Variants in XKR5 observed in about 807,000 individuals in gnomAD.
The protein encoded by XKR5 is XK related 5, also known as XK-related protein 5.
In XKR5, 46 loss-of-function variants were observed where a neutral mutation model predicts 40.8. That is an observed-to-expected ratio of 1.13 (90% CI 0.89 to 1.44). The LOEUF (loss-of-function observed/expected upper bound fraction) is 1.44. XKR5 is among the 40% of genes most tolerant of loss of function. XKR5 has a pLI of 0.00. For synonymous variants in XKR5, 466 were observed against 356.1 expected (o/e 1.31, Z -3.48); for missense variants, 1,169 against 844.7 (o/e 1.38, Z -4.76).
At chr8:6,816,936 A>G (rs9773025) in intron 5 of XKR5, among the ~76,000 whole-genome samples, 85,160 of 151,978 alleles carry the variant, frequency 0.56, 25,391 homozygotes, top group East Asian at 0.94. Context: ...TCCTATGAAC[A>G]TCCATTCTCC....
intron 4 of XKR5, 61 bp downstream of exon 4, chr8:6,823,460 C>A: frequency 6.6e-7 from 1 of 1,520,008 alleles, no homozygotes; most frequent in Non-Finnish European, 8.9e-7. Flanking sequence ...TTCTTGAGAC[C>A]TTCATTTCTG....
chr8:6,811,516 T>A lies in XKR5; in HGVS notation c.1743A>T (p.Ala581=). 2 of 1,531,024 alleles carry A rather than the reference T, an allele frequency of 1.3e-6. No individual in the cohort carries two copies. Among genetic ancestry groups the A allele is most frequent in the Non-Finnish European group, 1.7e-6 (2 of 1,143,240 alleles). The allele number at this position is 1,531,024 out of a possible 1,614,324, so 94.8% of individuals were successfully genotyped here. Residue 581 remains alanine, a synonymous_variant, in exon 7 of 7, where the codon GCA becomes GCT. Transcript: ENST00000618742. ...RLGKSSPAQP[A]SPHPVGLAPF... is the part of the protein sequence containing the mutation. ...GCGCCAAGCCCACTGGGTGGGGCGA[T>A]GCAGGCTGGGCAGGGCTGCTCTTTC...
Position 6,809,559 on chromosome 8 carries a change from G to C in XKR5, c.*1639C>G, listed in dbSNP as rs1157535008. 1 of 152,192 alleles carries C rather than the reference G, an allele frequency of 6.6e-6. No homozygotes were observed. The highest frequency in any genetic ancestry group is 1.9e-4 in the East Asian group (1 of 5,174). The allele number at this position is 152,192 out of a possible 1,614,324, so 9.4% of individuals were successfully genotyped here. A position where few individuals can be genotyped will look rare whatever the true frequency, so the allele number is the denominator to read the frequency against. ...CCGCCTCAGCCTCTCAAAGTGCTGG[G>C]ATTACCGGTGTGAGCCCCTGCATCC... On this transcript the variant is annotated 3_prime_UTR_variant, in exon 7 of 7. Coordinates refer to ENST00000618742, the MANE Select transcript of XKR5 (RefSeq NM_207411.5).
chr8:6,828,586 GT>G (rs1050262087), intron 2 of XKR5, among the ~76,000 whole-genome samples: 1 of 152,182 alleles, frequency 6.6e-6, no homozygotes, highest in African/African-American at 2.4e-5. Context: ...GATGGAGAGC[GT>G]GGGGATTTGG....
intron 2 of XKR5, among the ~76,000 whole-genome samples, chr8:6,826,429 GAA>G (rs1471154236): frequency 6.6e-6 from 1 of 152,068 alleles, no homozygotes; most frequent in Non-Finnish European, 1.5e-5. Flanking sequence ...AGTAATTGGT[GAA>G]GGGAGTCCTA....
At position 6,835,483 on chromosome 8, in the gene XKR5, C is replaced by G. The variant is rs748247663; in HGVS notation, c.11G>C (p.Arg4Thr). 7.3e-6 allele frequency: 11 copies of G among 1,502,562 alleles called. 1 individual carries two copies. In the Admixed American group the frequency reaches 1.1e-4, roughly 15 times the overall value. 93.1% of individuals were successfully genotyped at this position (1,502,562 alleles called of 1,614,324 possible). A position where few individuals can be genotyped will look rare whatever the true frequency, so the allele number is the denominator to read the frequency against. ...CAGCAGGGCCGAGAGCCCCAGGAGC[C>G]TCGCGTGCATCTTCCGTGCCGACCC... MHA[R>T]LLGLSALLQA... The change falls in exon 1 of 7, where the codon AGG becomes ACG. Residue 4 changes from arginine to threonine, a missense_variant. By Grantham distance (71) the Arg-to-Thr change is moderately conservative. Transcript: ENST00000618742.
intron 2 of XKR5, chr8:6,829,169 C>T (rs1028423402): frequency 1.2e-5 from 2 of 168,422 alleles, no homozygotes; most frequent in Non-Finnish European, 2.9e-5. Flanking sequence ...TCTTACATAC[C>T]TTTAGAGTTT....
intron 5 of XKR5, among the ~76,000 whole-genome samples, chr8:6,817,660 G>A (rs1804025678): frequency 6.6e-6 from 1 of 152,240 alleles, no homozygotes. Context: ...ACTTGGTGCT[G>A]GGTGGATAGG....
At chr8:6,824,322 G>A (rs1189989956) in intron 3 of XKR5, among the ~76,000 whole-genome samples, 6 of 151,828 alleles carry the variant, frequency 4.0e-5, no homozygotes, top group Middle Eastern at 3.4e-3. Context: ...AGGGAGAGAA[G>A]GGGGTGAAGG....
intron 3 of XKR5, among the ~76,000 whole-genome samples, chr8:6,824,059 G>C (rs1804357599): frequency 6.6e-6 from 1 of 152,184 alleles, no homozygotes; most frequent in East Asian, 1.9e-4. Context: ...GATCCTCTAA[G>C]TCCTCTGTAT....
At chr8:6,820,812 T>C (rs186266911) in intron 5 of XKR5, among the ~76,000 whole-genome samples, 6 of 152,262 alleles carry the variant, frequency 3.9e-5, no homozygotes, top group Non-Finnish European at 7.4e-5. Context: ...GGTCCTAAAA[T>C]CAGCAGGTGT....
chr8:6,811,179 T>C lies in XKR5; in HGVS notation c.*19A>G, dbSNP rs1803658892. ...AGCTTGGTTTGTCAGCCTGTTGTCT[T>C]ATCCCACCATGACTGTGGTCAGATG... On this transcript the variant is annotated 3_prime_UTR_variant, in exon 7 of 7. Transcript: ENST00000618742. The C allele has an allele frequency of 6.6e-7, 1 of 1,520,234 alleles. No homozygotes were observed. Among genetic ancestry groups the C allele is most frequent in the African/African-American group, 1.4e-5 (1 of 72,614 alleles). 94.2% of individuals were successfully genotyped at this position (1,520,234 alleles called of 1,614,324 possible). A position where few individuals can be genotyped will look rare whatever the true frequency, so the allele number is the denominator to read the frequency against.
At chr8:6,821,004 G>A (rs938261195) in intron 5 of XKR5, among the ~76,000 whole-genome samples, 8 of 152,182 alleles carry the variant, frequency 5.3e-5, no homozygotes, top group African/African-American at 1.9e-4. Flanking sequence ...GTCTTTACAG[G>A]AACCCTGAAG....
At chr8:6,825,960 T>A (rs1030942350) in intron 2 of XKR5, among the ~76,000 whole-genome samples, 4 of 152,076 alleles carry the variant, frequency 2.6e-5, no homozygotes, top group Non-Finnish European at 4.4e-5. Flanking sequence ...GTGAAGTAGA[T>A]CAGGGCCCTG....
rs1457806318 is a variant in XKR5, at chr8:6,811,036, A to T, written c.*162T>A. On this transcript the variant is annotated 3_prime_UTR_variant, in exon 7 of 7. Transcript: ENST00000618742. ...ATGTTTGCATTGGACCTGCAAAATC[A>T]TCCAGCCCTGTTTCTTCATTTTTCA... 1.4e-6 allele frequency: 1 copy of T among 737,514 alleles called. No individual in the cohort carries two copies. Among genetic ancestry groups the T allele is most frequent in the South Asian group, 2.0e-5 (1 of 51,112 alleles). The allele number at this position is 737,514 out of a possible 1,614,324, so 45.7% of individuals were successfully genotyped here.
At chr8:6,816,355 T>A (rs990666545) in intron 5 of XKR5, among the ~76,000 whole-genome samples, 1 of 152,150 alleles carries the variant, frequency 6.6e-6, no homozygotes, top group African/African-American at 2.4e-5. Context: ...GGTCACAAAC[T>A]TTCTAACAAC....
chr8:6,814,186 C>T (rs1157183131), intron 6 of XKR5, among the ~76,000 whole-genome samples: 2 of 152,194 alleles, frequency 1.3e-5, no homozygotes, highest in East Asian at 1.9e-4. Context: ...TCCACACACA[C>T]AGCTTAGAAA....
intron 4 of XKR5, among the ~76,000 whole-genome samples, chr8:6,822,359 T>C (rs1249904890): frequency 6.6e-6 from 1 of 152,238 alleles, no homozygotes; most frequent in Non-Finnish European, 1.5e-5. Context: ...GGGGCAGTTA[T>C]AAAACTGACT....
intron 2 of XKR5, among the ~76,000 whole-genome samples, chr8:6,829,810 C>T (rs985364574): frequency 6.7e-6 from 1 of 149,830 alleles, no homozygotes; most frequent in Non-Finnish European, 1.5e-5. Flanking sequence ...AGCCGTCACG[C>T]CAGGCCAAAT....
Sources: allele counts gnomAD v4.1 joint callset (sites outside exome capture counted in the v4.1 genomes callset), GRCh38; gene constraint gnomAD v4.1.1; transcripts MANE v1.5; gene names NCBI Gene and HGNC (gene_info 2026-07-23, HGNC 2026-07-21).